Variants in ACTA2 observed in about 807,000 individuals in gnomAD.
ACTA2 encodes actin, aortic smooth muscle.
A neutral mutation model predicts 39.5 loss-of-function variants in ACTA2; 12 were observed. That is an observed-to-expected ratio of 0.30 (90% CI 0.19 to 0.49). The LOEUF is 0.49. Ranked by LOEUF, ACTA2 falls within the 20% of genes least tolerant of loss-of-function variation. ACTA2 has a pLI of 0.99. For synonymous variants in ACTA2, 158 were observed against 180.6 expected, an observed-to-expected ratio of 0.88 and a Z score of 1.00; for missense variants, 236 against 498.8, an observed-to-expected ratio of 0.47 and a Z score of 5.02.
intron 1 of ACTA2, among the ~76,000 whole-genome samples, chr10:88,982,224 C>T (rs1688036235): frequency 1.3e-5 from 2 of 152,142 alleles, no homozygotes; most frequent in Admixed American, 1.3e-4. Flanking sequence ...AGACCTACCT[C>T]CCAAGATTTT....
upstream of ACTA2, among the ~76,000 whole-genome samples, chr10:88,954,383 G>A (rs941053057): frequency 1.3e-5 from 2 of 152,166 alleles, no homozygotes; most frequent in Non-Finnish European, 2.9e-5. Context: ...CCATTAGAAT[G>A]TTAAAATATA....
rs558645628 is a variant in ACTA2 at position 88,975,506 on chromosome 10, TG to T, written c.-24+15432del. Among the ~76,000 whole-genome samples the T allele has an allele frequency of 6.8e-4, 104 of 152,180 alleles. 1 individual carries two copies. The highest frequency in any genetic ancestry group is 2.4e-3 in the African/African-American group (99 of 41,518). Reference sequence around the variant, plus strand: ...GTTCTCCAATACGTAAAGAATCAGGTGGAACAGTAGAGATGGTACAGGAAGG... The same window carrying T: ...GTTCTCCAATACGTAAAGAATCAGGTGAACAGTAGAGATGGTACAGGAAGG... On this transcript the variant is annotated intron_variant, in intron 1 of 4. Transcript: ENST00000415557.
chr10:88,954,524 C>T (rs115798778), upstream of ACTA2, among the ~76,000 whole-genome samples: 478 of 152,204 alleles, frequency 3.1e-3, 1 homozygote, highest in African/African-American at 0.011. Flanking sequence ...GAAGGATTCC[C>T]CTTCCTCCTG....
At chr10:88,967,764 G>A (rs968922321) in intron 1 of ACTA2, among the ~76,000 whole-genome samples, 1 of 152,188 alleles carries the variant, frequency 6.6e-6, no homozygotes. Flanking sequence ...AATTACATCA[G>A]CAGGTTCAGA....
intron 1 of ACTA2, among the ~76,000 whole-genome samples, chr10:88,985,867 C>A (rs1383509880): frequency 3.3e-5 from 5 of 152,206 alleles, no homozygotes; most frequent in Admixed American, 3.3e-4. Context: ...TTAAGCCAAC[C>A]TTTCCAGAAG....
At chr10:88,948,777 A>G in intron 2 of ACTA2, 25 bp downstream of exon 2, 4 of 1,613,634 alleles carry the variant, frequency 2.5e-6, no homozygotes, top group South Asian at 1.1e-5. Flanking sequence ...GTGTCCTGTT[A>G]TGTTCCAATC....
chr10:88,935,153 G>T lies in ACTA2; in HGVS notation c.*70C>A. The T allele has an allele frequency of 1.9e-6, 3 of 1,593,208 alleles. No individual in the cohort carries two copies. The highest frequency in any genetic ancestry group is 2.2e-5 in the East Asian group (1 of 44,508). On this transcript the variant is annotated 3_prime_UTR_variant, in exon 9 of 9. Transcript: ENST00000224784. ...CTTTGGCTAGGAATGATTTGGAAAA[G>T]AACTGAAGGCATAATTCCACAGGAC...
intron 1 of ACTA2, among the ~76,000 whole-genome samples, chr10:88,951,339 C>T (rs1032972572): frequency 6.6e-6 from 1 of 151,968 alleles, no homozygotes; most frequent in Non-Finnish European, 1.5e-5. Context: ...TTAGGATGGT[C>T]TCTGAAAATG....
intron 1 of ACTA2, among the ~76,000 whole-genome samples, chr10:88,961,370 T>A (rs1306787976): frequency 6.6e-6 from 1 of 152,214 alleles, no homozygotes; most frequent in African/African-American, 2.4e-5. Context: ...GTAGAAAATG[T>A]GAAGAGACTT....
intron 7 of ACTA2, 142 bp from the exon 8 acceptor site, chr10:88,938,384 G>C: frequency 1.1e-6 from 1 of 912,862 alleles, no homozygotes; most frequent in Non-Finnish European, 1.8e-6. Flanking sequence ...ACCTGTCTGA[G>C]AGACAAAAGG....
chr10:88,968,446 A>G (rs995007062), intron 1 of ACTA2, among the ~76,000 whole-genome samples: 1 of 152,216 alleles, frequency 6.6e-6, no homozygotes, highest in Non-Finnish European at 1.5e-5. Flanking sequence ...CATGACAACA[A>G]TAACTTTATC....
chr10:88,967,700 AC>A (rs1846344313), intron 1 of ACTA2, among the ~76,000 whole-genome samples: 2 of 152,310 alleles, frequency 1.3e-5, no homozygotes, highest in Non-Finnish European at 2.9e-5. Flanking sequence ...TGATTTTGTT[AC>A]TGTAAGCCAT....
At chr10:88,939,322 A>T in intron 7 of ACTA2, 185 bp downstream of exon 7, 1 of 716,304 alleles carries the variant, frequency 1.4e-6, no homozygotes, top group Non-Finnish European at 2.4e-6. Flanking sequence ...TTTCTTAGGA[A>T]GAAAACCTTT....
At chr10:88,942,949 T>C (rs1050739310) in intron 4 of ACTA2, among the ~76,000 whole-genome samples, 3 of 152,200 alleles carry the variant, frequency 2.0e-5, no homozygotes, top group Non-Finnish European at 4.4e-5. Flanking sequence ...TGGAAGATCG[T>C]GGATCAATCC....
At chr10:88,944,245 A>G (rs914543793) in intron 3 of ACTA2, among the ~76,000 whole-genome samples, 3 of 152,124 alleles carry the variant, frequency 2.0e-5, no homozygotes, top group African/African-American at 7.2e-5. Context: ...GCAAGTTTTT[A>G]ACCCTTCTCA....
At chr10:88,959,236 A>G (rs1338020998) in intron 1 of ACTA2, among the ~76,000 whole-genome samples, 1 of 152,188 alleles carries the variant, frequency 6.6e-6, no homozygotes, top group African/African-American at 2.4e-5. Flanking sequence ...ACAGCACAGG[A>G]GTAATAAGTT....
chr10:88,936,416 C>G (rs969113145), intron 8 of ACTA2, among the ~76,000 whole-genome samples: 1 of 152,140 alleles, frequency 6.6e-6, no homozygotes, highest in South Asian at 2.1e-4. Flanking sequence ...TGTAATCCCC[C>G]GTGTTGGAGG....
chr10:88,986,449 T>C (rs1456532313), intron 1 of ACTA2, among the ~76,000 whole-genome samples: 1 of 152,230 alleles, frequency 6.6e-6, no homozygotes, highest in Non-Finnish European at 1.5e-5. Flanking sequence ...TAAACATTCT[T>C]TAATGCATTG....
intron 1 of ACTA2, among the ~76,000 whole-genome samples, chr10:88,987,764 G>A (rs1662501884): frequency 6.6e-6 from 1 of 152,126 alleles, no homozygotes; most frequent in Non-Finnish European, 1.5e-5. Context: ...CACTGTGATG[G>A]TTAATTTTAT....
Sources: allele counts gnomAD v4.1 joint callset (sites outside exome capture counted in the v4.1 genomes callset), GRCh38; gene constraint gnomAD v4.1.1; transcripts MANE v1.5; gene names NCBI Gene and HGNC (gene_info 2026-07-23, HGNC 2026-07-21).